ROCK2: variants seen among roughly 807,000 people sequenced by gnomAD.
The protein encoded by ROCK2 is rho-associated protein kinase 2.
In ROCK2, 61 loss-of-function variants were observed where a neutral mutation model predicts 195.1. The ratio of observed to expected loss-of-function variants is 0.31; its 90% CI spans 0.25 to 0.39. ROCK2 has a LOEUF of 0.39. Ranked by LOEUF, ROCK2 falls within the 10% of genes least tolerant of loss-of-function variation. ROCK2 has a pLI of 1.00. For synonymous variants in ROCK2, 504 were observed against 545.5 expected, an observed-to-expected ratio of 0.92 and a Z score of 1.06; for missense variants, 1,109 against 1,637.4, an observed-to-expected ratio of 0.68 and a Z score of 5.57.
chr2:11,253,634 A>G (rs1665914584), intron 3 of ROCK2, among the ~76,000 whole-genome samples: 1 of 152,236 alleles, frequency 6.6e-6, no homozygotes, highest in South Asian at 2.1e-4. Context: ...ATGCATGCCT[A>G]TTTTGTTCTC....
intron 1 of ROCK2, among the ~76,000 whole-genome samples, chr2:11,327,960 GAGA>G (rs1385180327): frequency 4.6e-5 from 7 of 152,294 alleles, no homozygotes; most frequent in Admixed American, 3.3e-4. Context: ...TGACAAAACA[GAGA>G]AGGAGACAGA....
At position 11,197,669 on chromosome 2, in the gene ROCK2, CT is replaced by C; in HGVS notation, c.3135del (p.Glu1046AsnfsTer32). The part of the protein sequence containing the change: ...VNKLAEIMNR[K>X]EPVKRGNDTD... ...GTGTCATTACCACGCTTGACAGGTTCTTTTCGATTCATGATCTCAGCCAACT... is the reference window on the plus strand; with the variant it reads ...GTGTCATTACCACGCTTGACAGGTTCTTTCGATTCATGATCTCAGCCAACT... On this transcript the variant is annotated frameshift_variant, in exon 26 of 33. Transcript: ENST00000315872. LOFTEE classifies it high-confidence loss of function. This position sits in a 1 kb window ranked among gnomAD's most constrained non-coding sequence, Gnocchi z 4.9. The C allele has an allele frequency of 6.3e-7, 1 of 1,598,712 alleles. No homozygotes were observed. The highest frequency in any genetic ancestry group is 1.2e-5 in the South Asian group (1 of 86,934).
chr2:11,327,870 C>T (rs771982814), intron 1 of ROCK2, among the ~76,000 whole-genome samples: 9 of 152,226 alleles, frequency 5.9e-5, no homozygotes, highest in Non-Finnish European at 7.4e-5. Flanking sequence ...GCCAACTGTC[C>T]GTTTTTAAAG....
At chr2:11,271,876 C>CG (rs1271976643) in intron 3 of ROCK2, among the ~76,000 whole-genome samples, 1 of 151,958 alleles carries the variant, frequency 6.6e-6, no homozygotes, top group African/African-American at 2.4e-5. Flanking sequence ...AAAAATTAGC[C>CG]GGGCGTGGTG....
At chr2:11,326,288 GC>G (rs1324483203) in intron 1 of ROCK2, among the ~76,000 whole-genome samples, 1 of 152,092 alleles carries the variant, frequency 6.6e-6, no homozygotes, top group African/African-American at 2.4e-5. Flanking sequence ...CAGCAAAGGA[GC>G]CTAAGGAGAA....
At chr2:11,198,883 C>CTTTTTTTTTT (rs34674935) in intron 23 of ROCK2, 109 bp from the exon 24 acceptor site, 1 of 451,624 alleles carries the variant, frequency 2.2e-6, no homozygotes, top group Non-Finnish European at 3.8e-6. Context: ...TCTTATTTTT[C>CTTTTTTTTTT]TTTTTTTTTT....
At chr2:11,329,794 T>A (rs1164215676) in intron 1 of ROCK2, among the ~76,000 whole-genome samples, 2 of 152,232 alleles carry the variant, frequency 1.3e-5, no homozygotes, top group Non-Finnish European at 1.5e-5. Flanking sequence ...TTAAATTCTT[T>A]AAATGTTCTC....
intron 5 of ROCK2, 150 bp from the exon 6 acceptor site, chr2:11,227,548 A>G (rs1664858180): frequency 3.4e-6 from 2 of 591,380 alleles, no homozygotes; most frequent in Admixed American, 6.9e-5. Context: ...GGATACAGAG[A>G]ATAAATACAC....
At chr2:11,244,255 T>C (rs1057141582) in intron 4 of ROCK2, among the ~76,000 whole-genome samples, 1 of 152,194 alleles carries the variant, frequency 6.6e-6, no homozygotes, top group African/African-American at 2.4e-5. Flanking sequence ...TTATGTAATA[T>C]CTTCAACTTT....
At position 11,235,878 on chromosome 2, in the gene ROCK2, T is replaced by C; in HGVS notation, c.547A>G (p.Asn183Asp). The C allele has an allele frequency of 1.2e-6, 2 of 1,613,952 alleles. No individual in the cohort carries two copies. The highest frequency in any genetic ancestry group is 1.7e-6 in the Non-Finnish European group (2 of 1,179,916). ...PGGDLVNLMS[N>D]YDVPEKWAKF... Reference sequence around the variant, plus strand: ...GCCCATTTTTCAGGCACATCATAATTACTCATAAGGTTTACAAGGTCTCCA... The same window carrying C: ...GCCCATTTTTCAGGCACATCATAATCACTCATAAGGTTTACAAGGTCTCCA... The change falls in exon 5 of 33, where the codon AAT becomes GAT. Residue 183 changes from asparagine to aspartate, a missense_variant. This residue lies in a region of ROCK2 where 253 missense variants were observed against 455.5 expected (regional missense o/e 0.56). Transcript: ENST00000315872. This position sits in a 1 kb window ranked among gnomAD's most constrained non-coding sequence, Gnocchi z 4.2.
intron 3 of ROCK2, among the ~76,000 whole-genome samples, chr2:11,278,724 C>T (rs1017110479): frequency 4.6e-5 from 7 of 152,174 alleles, no homozygotes; most frequent in African/African-American, 1.7e-4. Context: ...GCGATTCTCC[C>T]ACCTCAGCCT....
intron 18 of ROCK2, among the ~76,000 whole-genome samples, chr2:11,211,442 C>A (rs191626432): frequency 6.6e-6 from 1 of 152,210 alleles, no homozygotes; most frequent in East Asian, 1.9e-4. Context: ...TATCTCTGAT[C>A]TAAAAATCTG....
intron 1 of ROCK2, among the ~76,000 whole-genome samples, chr2:11,330,610 G>A (rs1052168635): frequency 2.0e-5 from 3 of 151,898 alleles, no homozygotes; most frequent in Non-Finnish European, 4.4e-5. Context: ...CCCAAGAAGC[G>A]GAGGCTGCAG....
At chr2:11,207,120 C>T (rs1164193849) in intron 20 of ROCK2, among the ~76,000 whole-genome samples, 2 of 152,106 alleles carry the variant, frequency 1.3e-5, no homozygotes, top group Non-Finnish European at 2.9e-5. Context: ...TCTTGTTATG[C>T]TGTCCAGGAT....
chr2:11,337,057 A>G (rs969100947), intron 1 of ROCK2, among the ~76,000 whole-genome samples: 13 of 152,192 alleles, frequency 8.5e-5, no homozygotes, highest in African/African-American at 2.4e-4. Context: ...AGCCTGGCCA[A>G]CATGGTGAAA....
chr2:11,312,448 A>G (rs912208521), intron 1 of ROCK2, among the ~76,000 whole-genome samples: 3 of 152,076 alleles, frequency 2.0e-5, no homozygotes, highest in African/African-American at 7.2e-5. Context: ...CCCCTCTTCA[A>G]AAGCCCCCAC....
chr2:11,234,123 TAAATA>T (rs935744154), intron 5 of ROCK2: 26 of 152,082 alleles, frequency 1.7e-4, no homozygotes, highest in African/African-American at 4.6e-4. Context: ...TAAATAAAAA[TAAATA>T]AAAGTAAAAA....
rs1490858998 is a variant in ROCK2, at chr2:11,274,789, G to C, written c.324+11750C>G. Among the ~76,000 whole-genome samples, 9 of 152,260 alleles carry C rather than the reference G, an allele frequency of 5.9e-5. No homozygotes were observed. In the South Asian group the frequency reaches 1.9e-3, roughly 32 times the overall value. ...CAGCATTACCCTGATACCAAGGACA[G>C]ATAAAGACATCACGGTAGTCCCCTC... On this transcript the variant is annotated intron_variant, in intron 3 of 32. Coordinates refer to ENST00000315872, the MANE Select transcript of ROCK2 (RefSeq NM_004850.5).
At chr2:11,269,947 T>A (rs1553309583) in intron 3 of ROCK2, among the ~76,000 whole-genome samples, 1 of 152,090 alleles carries the variant, frequency 6.6e-6, no homozygotes, top group Non-Finnish European at 1.5e-5. Context: ...AGAGATGGGG[T>A]CTCACTATGT....
Sources: gnomAD v4.1 joint callset for allele counts (sites outside exome capture counted in the v4.1 genomes callset) on GRCh38, gnomAD v4.1.1 for gene constraint, gnomAD v4.1.1 regional missense constraint, Gnocchi (gnomAD v3.1) non-coding constraint, MANE v1.5 for transcripts, NCBI Gene and HGNC (gene_info 2026-07-23, HGNC 2026-07-21) for gene names.